Variants in PTPRN2 observed in about 807,000 individuals in gnomAD.
PTPRN2 encodes the protein protein tyrosine phosphatase receptor type N2.
In PTPRN2, 74 loss-of-function variants were observed where a neutral mutation model predicts 118.8. That is an observed-to-expected ratio of 0.62 (90% CI 0.52 to 0.76). The LOEUF (loss-of-function observed/expected upper bound fraction) is 0.76. Among genes scored for constraint, PTPRN2 ranks in the 30% least tolerant of loss-of-function variants. The pLI is 0.00. For synonymous variants in PTPRN2, 641 were observed against 608.0 expected, an observed-to-expected ratio of 1.05 and a Z score of -0.80; for missense variants, 1,481 against 1,394.4, an observed-to-expected ratio of 1.06 and a Z score of -0.99.
chr7:158,260,504 AAAAG>A (rs1313507372), intron 3 of PTPRN2, among the ~76,000 whole-genome samples: 4 of 152,226 alleles, frequency 2.6e-5, no homozygotes, highest in African/African-American at 9.6e-5. Flanking sequence ...AAGGCCTAGA[AAAAG>A]AGTCTATTTG....
At chr7:158,542,673 C>A (rs966543113) in intron 1 of PTPRN2, among the ~76,000 whole-genome samples, 5 of 152,248 alleles carry the variant, frequency 3.3e-5, no homozygotes, top group African/African-American at 1.2e-4. Flanking sequence ...ACTCTGCAAG[C>A]AATTTTTTCC....
At position 158,324,143 on chromosome 7, in the gene PTPRN2, G is replaced by A. The variant is rs148947090; in HGVS notation, c.164-7211C>T. On this transcript the variant is annotated intron_variant, in intron 2 of 22. Coordinates refer to ENST00000389418, the MANE Select transcript of PTPRN2 (RefSeq NM_002847.5). ...CATGCACAAACTCACACGCCCACAC[G>A]CGTACGCTCACACACAGTCTCCGCA... is the stretch of plus-strand genomic sequence containing the variant. 5.4e-3 allele frequency among the ~76,000 whole-genome samples: 822 copies of A among 152,058 alleles called. 8 individuals are homozygous for A. Among genetic ancestry groups the A allele is most frequent in the African/African-American group, 0.019 (775 of 41,488 alleles).
Position 158,251,041 on chromosome 7 carries a change from G to C in PTPRN2, c.278-45768C>G, listed in dbSNP as rs147361228. The stretch of plus-strand genomic sequence containing the variant: ...ATCTCGGTGGAAATCACATAAAGTA[G>C]ACTCTAGGAGACAATTCCCTATCTA... On this transcript the variant is annotated intron_variant, in intron 3 of 22. Transcript: ENST00000389418. Among the ~76,000 whole-genome samples, 286 of 151,454 alleles carry C rather than the reference G, an allele frequency of 1.9e-3. 1 individual carries two copies. The highest frequency in any genetic ancestry group is 6.6e-3 in the African/African-American group (272 of 41,220).
intron 1 of PTPRN2, among the ~76,000 whole-genome samples, chr7:158,549,029 C>T (rs1384045143): frequency 6.6e-6 from 1 of 152,208 alleles, no homozygotes; most frequent in East Asian, 1.9e-4. Flanking sequence ...AGAGGAGATG[C>T]AGACAGCAGT....
intron 15 of PTPRN2, among the ~76,000 whole-genome samples, chr7:157,612,405 C>T (rs1446925049): frequency 3.3e-5 from 5 of 152,128 alleles, no homozygotes; most frequent in Non-Finnish European, 5.9e-5. Context: ...AGTGTGGCGG[C>T]GGCAAGACAG....
intron 3 of PTPRN2, among the ~76,000 whole-genome samples, chr7:158,262,405 CACAT>C (rs1186698392): frequency 1.9e-4 from 28 of 149,450 alleles, no homozygotes; most frequent in South Asian, 6.4e-4. Context: ...ACTGCACACA[CACAT>C]ACATACATTC....
Position 157,779,892 on chromosome 7 carries a change from C to A in PTPRN2, c.1789-96955G>T, listed in dbSNP as rs1204007766. ...AGGGCTGGGACGCCACTGATACCAT[C>A]GACGTACAACACGCCGCAAGCAGCC... On this transcript the variant is annotated intron_variant, in intron 12 of 22. Transcript: ENST00000389418. This position sits in a 1 kb window ranked among gnomAD's most constrained non-coding sequence, Gnocchi z 4.7. Among the ~76,000 whole-genome samples the A allele has an allele frequency of 6.6e-6, 1 of 152,110 alleles. No homozygotes were observed. The highest frequency in any genetic ancestry group is 2.4e-5 in the African/African-American group (1 of 41,422).
At chr7:158,503,926 G>A (rs1822559792) in intron 1 of PTPRN2, among the ~76,000 whole-genome samples, 1 of 151,856 alleles carries the variant, frequency 6.6e-6, no homozygotes. Context: ...GCTTGAACCC[G>A]GGAGTCGGAG....
intron 11 of PTPRN2, among the ~76,000 whole-genome samples, chr7:157,978,464 CTCTTTTGAAA>C (rs1229975037): frequency 2.6e-5 from 4 of 152,152 alleles, no homozygotes; most frequent in African/African-American, 9.6e-5. Flanking sequence ...GAGTCTTTTA[CTCTTTTGAAA>C]GCTTTTGAGC....
intron 2 of PTPRN2, among the ~76,000 whole-genome samples, chr7:158,378,633 A>G (rs1810730638): frequency 6.6e-6 from 1 of 152,126 alleles, no homozygotes; most frequent in South Asian, 2.1e-4. Flanking sequence ...CCACGTTTCC[A>G]AAGAAAGTGT....
At chr7:158,334,611 C>G (rs1805221609) in intron 2 of PTPRN2, among the ~76,000 whole-genome samples, 2 of 103,302 alleles carry the variant, frequency 1.9e-5, no homozygotes, top group African/African-American at 6.7e-5. Context: ...ACCATAAGAG[C>G]CGACGCCCGC....
intron 13 of PTPRN2, among the ~76,000 whole-genome samples, chr7:157,672,733 T>C (rs1469677458): frequency 2.6e-5 from 4 of 152,262 alleles, no homozygotes; most frequent in Non-Finnish European, 4.4e-5. Flanking sequence ...ACTTGTAAAC[T>C]CTTTTAATTG....
chr7:158,388,558 G>A (rs1244423999), intron 2 of PTPRN2, among the ~76,000 whole-genome samples: 2 of 152,206 alleles, frequency 1.3e-5, no homozygotes, highest in East Asian at 1.9e-4. Flanking sequence ...TGCCCTGGGT[G>A]CACCAGGCTC....
chr7:158,324,712 G>C (rs922048486), intron 2 of PTPRN2, among the ~76,000 whole-genome samples: 9 of 17,442 alleles, frequency 5.2e-4, no homozygotes, highest in Non-Finnish European at 1.8e-3. Context: ...TGCTGCCCAG[G>C]GTGCCCCCAG....
At chr7:158,520,886 G>T (rs1823934236) in intron 1 of PTPRN2, among the ~76,000 whole-genome samples, 1 of 152,182 alleles carries the variant, frequency 6.6e-6, no homozygotes, top group Admixed American at 6.5e-5. Flanking sequence ...GTGCAGCAAA[G>T]ATTCAGCAGG....
At chr7:158,466,253 G>T (rs1819377909) in intron 2 of PTPRN2, among the ~76,000 whole-genome samples, 2 of 151,944 alleles carry the variant, frequency 1.3e-5, no homozygotes, top group African/African-American at 4.8e-5. Context: ...TTAGGCCCCT[G>T]GGCTCACTCC....
At chr7:158,173,182 C>G (rs1370073573) in intron 5 of PTPRN2, among the ~76,000 whole-genome samples, 4 of 151,998 alleles carry the variant, frequency 2.6e-5, no homozygotes, top group Non-Finnish European at 5.9e-5. Flanking sequence ...ATCACCCTCA[C>G]CATCAGCATC....
At chr7:158,266,581 A>T (rs547514420) in intron 3 of PTPRN2, among the ~76,000 whole-genome samples, 73 of 152,282 alleles carry the variant, frequency 4.8e-4, no homozygotes, top group African/African-American at 1.7e-3. Flanking sequence ...GGCTGTGAGC[A>T]TCAGGCCTGA....
intron 11 of PTPRN2, among the ~76,000 whole-genome samples, chr7:158,044,505 C>T (rs192770403): frequency 1.4e-3 from 210 of 152,348 alleles, no homozygotes; most frequent in African/African-American, 4.8e-3. Context: ...ATCTGCATCA[C>T]CAAAGAGAGC....
Sources: gnomAD v4.1 joint callset for allele counts (sites outside exome capture counted in the v4.1 genomes callset) on GRCh38, gnomAD v4.1.1 for gene constraint, Gnocchi (gnomAD v3.1) non-coding constraint, MANE v1.5 for transcripts, NCBI Gene and HGNC (gene_info 2026-07-23, HGNC 2026-07-21) for gene names.